SLC16A3: variants seen among roughly 807,000 people sequenced by gnomAD.
SLC16A3 encodes solute carrier family 16 member 3.
A neutral mutation model predicts 25.0 loss-of-function variants in SLC16A3; 22 were observed. That is an observed-to-expected ratio of 0.88 (90% CI 0.63 to 1.26). The LOEUF (loss-of-function observed/expected upper bound fraction) is 1.26. Ranked by LOEUF, SLC16A3 falls within the 50% of genes most tolerant of loss-of-function variation. The pLI is 0.00. For missense variants in SLC16A3, 731 were observed against 666.6 expected, an observed-to-expected ratio of 1.10 and a Z score of -1.06; for synonymous variants, 390 against 309.2, an observed-to-expected ratio of 1.26 and a Z score of -2.74.
Position 82,237,479 on chromosome 17 carries a change from GTCAT to G in SLC16A3, c.710_713del (p.Val237GlyfsTer13). ...TGTGCTTTACGCCGTGGCCGCCTCG[GTCAT>G]GGTGCTGGGGCTCTTCGTCCCGCCC... On this transcript the variant is annotated frameshift_variant, in exon 4 of 5. Transcript: ENST00000582743. LOFTEE classifies it high-confidence loss of function. 6.2e-7 allele frequency: 1 copy of G among 1,610,034 alleles called. No homozygotes were observed. Among genetic ancestry groups the G allele is most frequent in the Non-Finnish European group, 8.5e-7 (1 of 1,179,488 alleles).
chr17:82,222,137 C>T (rs941801998), intron 1 of SLC16A3, among the ~76,000 whole-genome samples: 34 of 144,334 alleles, frequency 2.4e-4, no homozygotes, highest in African/African-American at 8.0e-4. Flanking sequence ...CCCCCAACTC[C>T]GCTCCCACGT....
At chr17:82,223,993 C>A (rs1400507089), upstream of SLC16A3, among the ~76,000 whole-genome samples, 1 of 151,398 alleles carries the variant, frequency 6.6e-6, no homozygotes, top group African/African-American at 2.4e-5. Flanking sequence ...TACACCTGTG[C>A]AGACGCACCC....
Position 82,238,838 on chromosome 17 carries a change from G to T in SLC16A3, c.1260G>T (p.Glu420Asp), listed in dbSNP as rs747581280. Reference protein sequence around the residue: ...IRKKPKEPQPEVAAAEEEKLH... With the variant: ...IRKKPKEPQPDVAAAEEEKLH... ...AGAAGCCCAAAGAGCCACAGCCTGAGGTGGCGGCCGCGGAGGAGGAGAAGC... is the reference window on the plus strand; with the variant it reads ...AGAAGCCCAAAGAGCCACAGCCTGATGTGGCGGCCGCGGAGGAGGAGAAGC... The change falls in exon 5 of 5, where the codon GAG becomes GAT. Residue 420 changes from glutamate to aspartate, a missense_variant. By Grantham distance (45) the Glu-to-Asp change is conservative. Coordinates refer to ENST00000582743, the MANE Select transcript of SLC16A3 (RefSeq NM_004207.4). The T allele has an allele frequency of 6.2e-7, 1 of 1,612,722 alleles. No individual in the cohort carries two copies. The highest frequency in any genetic ancestry group is 8.5e-7 in the Non-Finnish European group (1 of 1,179,780).
chr17:82,235,523 G>C, intron 1 of SLC16A3: 1 of 180,532 alleles, frequency 5.5e-6, no homozygotes, highest in Non-Finnish European at 1.2e-5. Flanking sequence ...GACCGGGAGA[G>C]ACCTGGAGGA....
upstream of SLC16A3, among the ~76,000 whole-genome samples, chr17:82,223,550 G>A (rs2050401960): frequency 2.6e-5 from 4 of 152,036 alleles, no homozygotes; most frequent in South Asian, 8.3e-4. Flanking sequence ...TGTCACCCAG[G>A]CTGGAGTGCA....
chr17:82,239,127 G>A lies in SLC16A3; in HGVS notation c.*151G>A. On this transcript the variant is annotated 3_prime_UTR_variant, in exon 5 of 5. Coordinates refer to ENST00000582743, the MANE Select transcript of SLC16A3 (RefSeq NM_004207.4). ...TCGTCGCCCGATCAGTGTTTTGAGG[G>A]GGAAGGTGGCGGGGTGGGAACCGTG... 2 of 731,982 alleles carry A rather than the reference G, an allele frequency of 2.7e-6. No homozygotes were observed. The highest frequency in any genetic ancestry group is 2.9e-5 in the East Asian group (1 of 34,574). The allele number at this position is 731,982 out of a possible 1,614,324, so 45.3% of individuals were successfully genotyped here.
intron 1 of SLC16A3, chr17:82,235,653 A>G (rs1041513544): frequency 2.6e-6 from 1 of 378,988 alleles, no homozygotes; most frequent in South Asian, 2.5e-5. Flanking sequence ...GAGCCAGGGC[A>G]GAAATGACGG....
chr17:82,236,904 C>A, intron 3 of SLC16A3, 32 bp downstream of exon 3: 1 of 1,598,960 alleles, frequency 6.3e-7, no homozygotes, highest in Middle Eastern at 1.8e-4. Context: ...GCCGCACGTG[C>A]CAGGAGGGGC....
chr17:82,222,672 T>G (rs2050396292), intron 1 of SLC16A3, among the ~76,000 whole-genome samples: 1 of 151,864 alleles, frequency 6.6e-6, no homozygotes, highest in South Asian at 2.1e-4. Flanking sequence ...GGCGTGATGG[T>G]GCACGCCTGT....
Position 82,237,601 on chromosome 17 carries a change from G to C in SLC16A3, c.831G>C (p.Ala277=), listed in dbSNP as rs527273390. 3 of 1,612,382 alleles carry C rather than the reference G, an allele frequency of 1.9e-6. No individual in the cohort carries two copies. Among genetic ancestry groups the C allele is most frequent in the Non-Finnish European group, 2.5e-6 (3 of 1,179,730 alleles). ...LTILGFIDIF[A]RPAAGFVAGL... ...TCCTGGGCTTCATTGACATCTTCGC[G>C]CGGCCGGCCGCGGGCTTCGTGGCGG... Residue 277 remains alanine (A), a synonymous_variant, in exon 4 of 5, where the codon GCG becomes GCC. Transcript: ENST00000582743.
Position 82,237,526 on chromosome 17 carries a change from C to T in SLC16A3, c.756C>T (p.Tyr252=), listed in dbSNP as rs756802723. The change falls in exon 4 of 5, where the codon TAC becomes TAT. Residue 252 remains tyrosine (Y), a synonymous_variant. Coordinates refer to ENST00000582743, the MANE Select transcript of SLC16A3 (RefSeq NM_004207.4). Reference sequence around the variant, plus strand: ...TCCCGCCCGTGTTCGTGGTGAGCTACGCCAAGGACCTGGGCGTGCCCGACA... The same window carrying T: ...TCCCGCCCGTGTTCGTGGTGAGCTATGCCAAGGACCTGGGCGTGCCCGACA... ...LFVPPVFVVS[Y]AKDLGVPDTK... 1.5e-5 allele frequency: 24 copies of T among 1,611,468 alleles called. No individual in the cohort carries two copies. In the Admixed American group the frequency reaches 1.5e-4, roughly 10 times the overall value.
chr17:82,238,090 GCA>G (rs766037674), intron 4 of SLC16A3, among the ~76,000 whole-genome samples, 197 bp downstream of exon 4: 16 of 152,208 alleles, frequency 1.1e-4, no homozygotes, highest in Non-Finnish European at 1.6e-4. Flanking sequence ...GCTCCGTCCG[GCA>G]CAGTGTGTCC....
chr17:82,225,765 G>A (rs757474360), upstream of SLC16A3, among the ~76,000 whole-genome samples: 12 of 152,180 alleles, frequency 7.9e-5, no homozygotes, highest in Non-Finnish European at 1.5e-4. Flanking sequence ...GGTGTGCGGG[G>A]TTCCCAAGGA....
At chr17:82,220,897 C>T (rs2050385336) in intron 1 of SLC16A3, among the ~76,000 whole-genome samples, 1 of 152,166 alleles carries the variant, frequency 6.6e-6, no homozygotes, top group South Asian at 2.1e-4. Context: ...AATCCCAGCT[C>T]ACGGCACCCT....
intron 1 of SLC16A3, among the ~76,000 whole-genome samples, chr17:82,223,125 G>A (rs1010965337): frequency 6.6e-6 from 1 of 152,158 alleles, no homozygotes; most frequent in South Asian, 2.1e-4. Context: ...CAGTGCTGCT[G>A]AGCTGCCCTC....
chr17:82,234,095 C>CT (rs1391244593), intron 1 of SLC16A3: 1 of 152,204 alleles, frequency 6.6e-6, no homozygotes, highest in Non-Finnish European at 1.5e-5. Flanking sequence ...CCGCCTTGGC[C>CT]CCCCAAAGTG....
intron 1 of SLC16A3, chr17:82,229,361 G>C (rs2050457722): frequency 6.6e-6 from 1 of 152,186 alleles, no homozygotes; most frequent in African/African-American, 2.4e-5. Context: ...GTCCGGCCCG[G>C]CGCCCACCCG....
At chr17:82,230,829 C>A (rs1340732992) in intron 1 of SLC16A3, 1 of 152,174 alleles carries the variant, frequency 6.6e-6, no homozygotes, top group East Asian at 1.9e-4. Context: ...CCGAGTCAGG[C>A]CCATCTGTGA....
chr17:82,218,764 A>G (rs926276139), intron 1 of SLC16A3, among the ~76,000 whole-genome samples: 1 of 152,158 alleles, frequency 6.6e-6, no homozygotes, highest in Admixed American at 6.5e-5. Context: ...TGCGTGGAGA[A>G]CGGGCAGCAG....
Sources: gnomAD v4.1 joint callset for allele counts (sites outside exome capture counted in the v4.1 genomes callset) on GRCh38, gnomAD v4.1.1 for gene constraint, MANE v1.5 for transcripts, NCBI Gene and HGNC (gene_info 2026-07-23, HGNC 2026-07-21) for gene names.